The following SELENOP variants were observed in gnomAD, a reference collection of about 807,000 sequenced individuals.
SELENOP encodes selenoprotein P.
A neutral mutation model predicts 41.0 loss-of-function variants in SELENOP; 36 were observed. That is an observed-to-expected ratio of 0.88 (90% CI 0.67 to 1.16). The LOEUF is 1.16. Among genes scored for constraint, SELENOP ranks in the 50% most tolerant of loss-of-function variants. The pLI is 0.00. For synonymous variants in SELENOP, 144 were observed against 150.8 expected (o/e 0.95, Z 0.33); for missense variants, 440 against 454.2 (o/e 0.97, Z 0.28).
At chr5:42,804,914 G>C in intron 3 of SELENOP, 141 bp from the exon 4 acceptor site, 2 of 516,246 alleles carry the variant, frequency 3.9e-6, no homozygotes, top group Non-Finnish European at 3.4e-6. Context: ...CTTTGGATGA[G>C]AGCTACAAAT....
At chr5:42,810,912 C>T (rs1383664054) in intron 1 of SELENOP, 1 of 221,776 alleles carries the variant, frequency 4.5e-6, no homozygotes, top group Non-Finnish European at 7.8e-6. Flanking sequence ...TCATTATAAT[C>T]AACAGGCTGC....
chr5:42,801,184 G>A lies in SELENOP; in HGVS notation c.682C>T (p.Gln228Ter), dbSNP rs945085106. The stretch of plus-strand genomic sequence containing the variant: ...GTAGGAGCATTTGGTGCTCCTGGTT[G>A]CTGATTCTCTGAAAGCTCACTGCTG... ...LGSSELSENQQPGAPNAPTHP... is the reference protein window; with the variant it reads ...LGSSELSENQ The change falls in exon 5 of 5, where the codon CAA becomes TAA. Residue 228 changes from glutamine (Q) to a stop codon, truncating the protein, a stop_gained. Coordinates refer to ENST00000514985, the MANE Select transcript of SELENOP (RefSeq NM_005410.4). LOFTEE classifies it high-confidence loss of function. 6.2e-7 allele frequency: 1 copy of A among 1,614,150 alleles called. No homozygotes were observed. The highest frequency in any genetic ancestry group is 1.1e-5 in the South Asian group (1 of 91,076).
At position 42,808,223 on chromosome 5, in the gene SELENOP, T is replaced by G. The variant is rs1443329799; in HGVS notation, c.131A>C (p.Asn44Thr). The part of the protein sequence containing the change: ...WSIRDQDPML[N>T]SNGSVTVVAL... ...AACCACAGTCACTGAACCATTGGAG[T>G]TTAGCATTGGATCTTGATCTCTTAT... Residue 44 changes from asparagine (N) to threonine (T), a missense_variant, in exon 2 of 5, where the codon AAC becomes ACC. Physicochemically the swap from Asn to Thr is moderately conservative, Grantham distance 65. Coordinates refer to ENST00000514985, the MANE Select transcript of SELENOP (RefSeq NM_005410.4). The G allele has an allele frequency of 4.4e-6, 7 of 1,587,662 alleles. No individual in the cohort carries two copies. The highest frequency in any genetic ancestry group is 5.1e-6 in the Non-Finnish European group (6 of 1,167,554).
chr5:42,807,749 ATT>A, intron 2 of SELENOP: 1 of 154,704 alleles, frequency 6.5e-6, no homozygotes, highest in African/African-American at 2.4e-5. Flanking sequence ...TATTTTTTAT[ATT>A]TATTTGTTAA....
chr5:42,803,547 G>A (rs1484883064), intron 4 of SELENOP, among the ~76,000 whole-genome samples: 1 of 152,020 alleles, frequency 6.6e-6, no homozygotes, highest in Non-Finnish European at 1.5e-5. Context: ...ATTTGAGGCG[G>A]CTTTCTTTAG....
intron 3 of SELENOP, 110 bp downstream of exon 3, chr5:42,806,786 T>C (rs372012722): frequency 8.4e-5 from 46 of 550,590 alleles, no homozygotes; most frequent in African/African-American, 7.8e-4. Flanking sequence ...GACTGAAATA[T>C]GGCATTGTAT....
chr5:42,801,348 A>T lies in SELENOP; in HGVS notation c.535-17T>A, dbSNP rs771904801. On this transcript the variant is annotated splice_polypyrimidine_tract_variant and intron_variant, in intron 4 of 4. Coordinates refer to ENST00000514985, the MANE Select transcript of SELENOP (RefSeq NM_005410.4). ...TTTGAGAGTCTGGAACAAATTTATA[A>T]ATCACTTTTTAACAAGCTTATAGAG... 1.3e-6 allele frequency: 2 copies of T among 1,572,144 alleles called. No homozygotes were observed. The highest frequency in any genetic ancestry group is 2.3e-5 in the South Asian group (2 of 86,110).
chr5:42,808,335 GC>G lies in SELENOP; in HGVS notation c.18del (p.Ala8ProfsTer29). ...GGGAGGAGACAGAGAGCCAGGGCAA[GC>G]CCCAGGCTTCTCCACATTGCTGGGG... MWRSL[G>X]LALALCLLPS... On this transcript the variant is annotated frameshift_variant, in exon 2 of 5. Transcript: ENST00000514985. LOFTEE classifies it high-confidence loss of function. 7.1e-7 allele frequency: 1 copy of G among 1,418,404 alleles called. No individual in the cohort carries two copies. Among genetic ancestry groups the G allele is most frequent in the Non-Finnish European group, 9.3e-7 (1 of 1,080,578 alleles). 87.9% of individuals were successfully genotyped at this position (1,418,404 alleles called of 1,614,324 possible).
Position 42,800,365 on chromosome 5 carries a change from G to A in SELENOP, c.*355C>T, listed in dbSNP as rs1760154284. ...AGATAAGTAAAGAAAAAAATGGAAA[G>A]CATGTCTTTGTTGTTCTTCCTCCAT... On this transcript the variant is annotated 3_prime_UTR_variant, in exon 5 of 5. Transcript: ENST00000514985. 1 of 172,390 alleles carries A rather than the reference G, an allele frequency of 5.8e-6. No individual in the cohort carries two copies. The highest frequency in any genetic ancestry group is 1.9e-4 in the South Asian group (1 of 5,184). The allele number at this position is 172,390 out of a possible 1,614,324, so 10.7% of individuals were successfully genotyped here.
chr5:42,800,278 A>T lies in SELENOP; in HGVS notation c.*442T>A, dbSNP rs2111613768. 1 of 157,416 alleles carries T rather than the reference A, an allele frequency of 6.4e-6. No homozygotes were observed. Among genetic ancestry groups the T allele is most frequent in the East Asian group, 1.9e-4 (1 of 5,312 alleles). The allele number at this position is 157,416 out of a possible 1,614,324, so 9.8% of individuals were successfully genotyped here. A position where few individuals can be genotyped will look rare whatever the true frequency, so the allele number is the denominator to read the frequency against. On this transcript the variant is annotated 3_prime_UTR_variant, in exon 5 of 5. Coordinates refer to ENST00000514985, the MANE Select transcript of SELENOP (RefSeq NM_005410.4). ...AGTATTTCTGGATCTTAAAATACAA[A>T]ATCCACTTATTTTATTAGTTAAAAG...
chr5:42,810,377 T>C (rs1384618557), intron 1 of SELENOP, among the ~76,000 whole-genome samples: 1 of 152,222 alleles, frequency 6.6e-6, no homozygotes, highest in Non-Finnish European at 1.5e-5. Flanking sequence ...AGACCACAAA[T>C]TCAGTAGTTA....
Position 42,801,035 on chromosome 5 carries a change from A to T in SELENOP, c.831T>A (p.Cys277Ter), listed in dbSNP as rs775215021. Residue 277 changes from cysteine (C) to a stop codon, truncating the protein, a stop_gained, in exon 5 of 5, where the codon TGT becomes TGA. Coordinates refer to ENST00000514985, the MANE Select transcript of SELENOP (RefSeq NM_005410.4). LOFTEE classifies it high-confidence loss of function. ...EDLQDLQKKL[C>*]RKRCINQLLC... ...GTAATTGATTTATACATCTCTTTCGACAGAGCTTCTTTTGTAAATCTTGTA... is the reference window on the plus strand; with the variant it reads ...GTAATTGATTTATACATCTCTTTCGTCAGAGCTTCTTTTGTAAATCTTGTA... 30 of 1,614,098 alleles carry T rather than the reference A, an allele frequency of 1.9e-5. 1 individual carries two copies. The highest frequency in any genetic ancestry group is 2.1e-5 in the Non-Finnish European group (25 of 1,180,040).
chr5:42,806,756 GA>G, intron 3 of SELENOP, 139 bp downstream of exon 3: 1 of 486,018 alleles, frequency 2.1e-6, no homozygotes, highest in African/African-American at 1.9e-5. Context: ...AAATGTTAAA[GA>G]GAGATTATAT....
At chr5:42,802,984 C>T (rs1392329649) in intron 4 of SELENOP, among the ~76,000 whole-genome samples, 2 of 152,146 alleles carry the variant, frequency 1.3e-5, no homozygotes, top group Non-Finnish European at 2.9e-5. Context: ...TTTAATATCT[C>T]TAAAATTAGA....
At chr5:42,803,821 G>A (rs1184509265) in intron 4 of SELENOP, among the ~76,000 whole-genome samples, 1 of 152,178 alleles carries the variant, frequency 6.6e-6, no homozygotes, top group Non-Finnish European at 1.5e-5. Flanking sequence ...TACCAGTAAT[G>A]AGTAGAAAAC....
intron 1 of SELENOP, chr5:42,809,752 A>G: frequency 1.1e-6 from 1 of 927,500 alleles, no homozygotes; most frequent in Non-Finnish European, 1.3e-6. Flanking sequence ...ACACATCAAA[A>G]CTCTTACCTA....
intron 3 of SELENOP, 183 bp from the exon 4 acceptor site, chr5:42,804,956 C>A: frequency 2.4e-6 from 1 of 410,314 alleles, no homozygotes; most frequent in East Asian, 3.6e-5. Flanking sequence ...CAGGTCAGGT[C>A]ATAGCAACAC....
At chr5:42,810,243 A>T (rs990029962) in intron 1 of SELENOP, among the ~76,000 whole-genome samples, 6 of 152,214 alleles carry the variant, frequency 3.9e-5, no homozygotes, top group Non-Finnish European at 7.3e-5. Flanking sequence ...TTTTAGATAG[A>T]TCACCTTGTA....
At position 42,806,957 on chromosome 5, in the gene SELENOP, T is replaced by C; in HGVS notation, c.355A>G (p.Asn119Asp). The C allele has an allele frequency of 1.2e-6, 2 of 1,612,466 alleles. No homozygotes were observed. The highest frequency in any genetic ancestry group is 1.7e-6 in the Non-Finnish European group (2 of 1,179,018). ...AAAAGAGTCCAGACATCTGTTTGGT[T>C]TTCTTCTTGTTGATAAACAGGAATA... The part of the protein sequence containing the change: ...EHIPVYQQEE[N>D]QTDVWTLLNG... The change falls in exon 3 of 5, where the codon AAC (asparagine) becomes GAC (aspartate). Residue 119 changes from asparagine to aspartate, a missense_variant. Transcript: ENST00000514985.
Sources: allele counts gnomAD v4.1 joint callset (sites outside exome capture counted in the v4.1 genomes callset), GRCh38; gene constraint gnomAD v4.1.1; transcripts MANE v1.5; gene names NCBI Gene and HGNC (gene_info 2026-07-23, HGNC 2026-07-21).